The following NCKAP5 variants were observed in gnomAD, a reference collection of about 807,000 sequenced individuals.
NCKAP5 encodes nck-associated protein 5.
NCKAP5 carries 92 observed loss-of-function variants against 167.0 expected under a neutral mutation model. The ratio of observed to expected loss-of-function variants is 0.55; its 90% confidence interval spans 0.47 to 0.66. NCKAP5 has a LOEUF of 0.66. Among genes scored for constraint, NCKAP5 ranks in the 30% least tolerant of loss-of-function variants. NCKAP5 has a pLI of 0.00. For missense variants in NCKAP5, 2,378 were observed against 2,315.0 expected, an observed-to-expected ratio of 1.03 and a Z score of -0.56; for synonymous variants, 891 against 877.4, an observed-to-expected ratio of 1.02 and a Z score of -0.27.
chr2:133,123,777 A>G (rs1405513281), intron 6 of NCKAP5: 1 of 471,148 alleles, frequency 2.1e-6, no homozygotes, highest in Non-Finnish European at 4.4e-6. Flanking sequence ...AGCTTTTCTC[A>G]TCTTGTTACA....
At chr2:133,619,695 G>A in the NCKAP5 span, among the ~76,000 whole-genome samples, 1 of 152,018 alleles carries the variant, frequency 6.6e-6, no homozygotes, top group South Asian at 2.1e-4. Flanking sequence ...GAATAATCAA[G>A]GAAAACTTCC....
chr2:132,913,169 T>G (rs764939650), intron 8 of NCKAP5, among the ~76,000 whole-genome samples: 2 of 152,044 alleles, frequency 1.3e-5, no homozygotes, highest in Non-Finnish European at 2.9e-5. Context: ...CAGCTCTTAT[T>G]TATTGATTAT....
chr2:132,789,922 T>C (rs1293301138), intron 13 of NCKAP5, 101 bp downstream of exon 13: 1 of 1,118,348 alleles, frequency 8.9e-7, no homozygotes, highest in South Asian at 1.6e-5. Flanking sequence ...CAGCAAATGG[T>C]GGCTTCCTTC....
At chr2:133,098,008 A>G (rs1413116285) in intron 6 of NCKAP5, among the ~76,000 whole-genome samples, 1 of 152,208 alleles carries the variant, frequency 6.6e-6, no homozygotes, top group Non-Finnish European at 1.5e-5. Context: ...CAATCTTTCT[A>G]TTATATGATC....
chr2:132,894,049 G>T (rs1324044302), intron 8 of NCKAP5, among the ~76,000 whole-genome samples: 3 of 152,176 alleles, frequency 2.0e-5, no homozygotes, highest in Non-Finnish European at 4.4e-5. Context: ...GGAAGACACT[G>T]AGGCGGATGG....
rs77774557 is a variant in NCKAP5 at position 133,251,373 on chromosome 2, C to T, written c.144-37594G>A. 5.1e-3 allele frequency among the ~76,000 whole-genome samples: 766 copies of T among 151,558 alleles called. 15 individuals carry two copies. In the South Asian group the frequency reaches 0.058, roughly 11 times the overall value. ...ACAGTGGAGTGGAAAAGAAAACAGA[C>T]AAATTTTTTTTTTACCCAGACCCTA... On this transcript the variant is annotated intron_variant, in intron 4 of 19. Transcript: ENST00000409261.
chr2:132,685,247 A>G (rs1313453238), intron 19 of NCKAP5, among the ~76,000 whole-genome samples: 2 of 152,200 alleles, frequency 1.3e-5, no homozygotes, highest in African/African-American at 2.4e-5. Context: ...CTCAAGATAA[A>G]TAATGAGAAG....
chr2:133,256,187 CAATAATTGTAT>C (rs1285393221), intron 4 of NCKAP5, among the ~76,000 whole-genome samples: 1 of 151,996 alleles, frequency 6.6e-6, no homozygotes, highest in Non-Finnish European at 1.5e-5. Flanking sequence ...CTAATATGTA[CAATAATTGTAT>C]GCTTATATTT....
intron 4 of NCKAP5, among the ~76,000 whole-genome samples, chr2:133,218,687 A>C (rs563045941): frequency 2.0e-5 from 3 of 152,228 alleles, no homozygotes; most frequent in Non-Finnish European, 4.4e-5. Context: ...ATTTCTCACA[A>C]GAGCAGTGTA....
intron 2 of NCKAP5, among the ~76,000 whole-genome samples, chr2:133,540,193 A>G (rs971444394): frequency 1.3e-5 from 2 of 152,232 alleles, no homozygotes; most frequent in Non-Finnish European, 2.9e-5. Context: ...AAGAAAAAAG[A>G]AAAAGAAAAA....
rs191300746 is a variant in NCKAP5, at chr2:133,315,398, C to T, written c.70-12288G>A. ...GGGGCCTGAGCAGTTGGATAATGTG[C>T]TATTTTGGGGTAAATTTGTGCAAGG... On this transcript the variant is annotated intron_variant, in intron 3 of 19. Transcript: ENST00000409261. Among the ~76,000 whole-genome samples, 306 of 152,160 alleles carry T rather than the reference C, an allele frequency of 2.0e-3. 2 individuals are homozygous for T. The highest frequency in any genetic ancestry group is 6.5e-3 in the African/African-American group (271 of 41,522).
At chr2:133,169,777 T>C (rs1309883831) in intron 5 of NCKAP5, among the ~76,000 whole-genome samples, 1 of 152,208 alleles carries the variant, frequency 6.6e-6, no homozygotes, top group Non-Finnish European at 1.5e-5. Flanking sequence ...CAATTGCTTT[T>C]GCACAGTTGA....
intron 18 of NCKAP5, among the ~76,000 whole-genome samples, chr2:132,726,161 T>C (rs1439508878): frequency 2.6e-5 from 4 of 152,230 alleles, no homozygotes; most frequent in Non-Finnish European, 5.9e-5. Context: ...GATCTCATCA[T>C]TGCCTTCCAA....
chr2:133,122,979 T>C (rs1439685466), intron 6 of NCKAP5: 1 of 152,166 alleles, frequency 6.6e-6, no homozygotes, highest in Admixed American at 6.6e-5. Flanking sequence ...TCAAATTACT[T>C]AACCAGAGTT....
chr2:132,747,411 T>C (rs1008938747), intron 16 of NCKAP5, among the ~76,000 whole-genome samples: 1 of 152,174 alleles, frequency 6.6e-6, no homozygotes, highest in African/African-American at 2.4e-5. Flanking sequence ...CTCCTTTATC[T>C]TTTCAATAAT....
chr2:133,674,178 G>T, the NCKAP5 span, among the ~76,000 whole-genome samples: 1 of 151,612 alleles, frequency 6.6e-6, no homozygotes, highest in Admixed American at 6.6e-5. Context: ...CAAATATTTT[G>T]ACTTTGCTTT....
intron 8 of NCKAP5, among the ~76,000 whole-genome samples, chr2:132,921,052 G>C (rs1695388028): frequency 6.6e-6 from 1 of 151,620 alleles, no homozygotes; most frequent in South Asian, 2.1e-4. Context: ...CAGCAGGAAA[G>C]ACATTGACTG....
rs546138838 is a variant in NCKAP5 at position 132,673,009 on chromosome 2, G to A, written c.*280C>T. ...AAGCGCTCCAGTCCCAGCTCACTAA[G>A]GGAAGAGATGTCCTTTATACATCAT... On this transcript the variant is annotated 3_prime_UTR_variant, in exon 20 of 20. Transcript: ENST00000409261. 1.0e-6 allele frequency: 1 copy of A among 967,468 alleles called. No homozygotes were observed. Among genetic ancestry groups the A allele is most frequent in the East Asian group, 1.1e-4 (1 of 8,758 alleles). The allele number at this position is 967,468 out of a possible 1,614,324, so 59.9% of individuals were successfully genotyped here. A position where few individuals can be genotyped will look rare whatever the true frequency, so the allele number is the denominator to read the frequency against.
chr2:133,274,091 G>T (rs1347589145), intron 4 of NCKAP5, among the ~76,000 whole-genome samples: 4 of 151,464 alleles, frequency 2.6e-5, no homozygotes, highest in Admixed American at 1.3e-4. Context: ...TTTTCTCTAA[G>T]GTCTTAGAGC....
Sources: allele counts gnomAD v4.1 joint callset (sites outside exome capture counted in the v4.1 genomes callset), GRCh38; gene constraint gnomAD v4.1.1; transcripts MANE v1.5; gene names NCBI Gene and HGNC (gene_info 2026-07-23, HGNC 2026-07-21).